ICA1L: variants seen among roughly 807,000 people sequenced by gnomAD.
ICA1L encodes the protein islet cell autoantigen 1 like.
Under a neutral mutation model 61.3 loss-of-function variants are expected in ICA1L, and 50 were observed. That is an observed-to-expected ratio of 0.82 (90% confidence interval 0.65 to 1.03). ICA1L has a LOEUF of 1.03. ICA1L is among the 50% of genes least tolerant of loss of function. The pLI is 0.00. For synonymous variants in ICA1L, 161 were observed against 191.3 expected, an observed-to-expected ratio of 0.84 and a Z score of 1.31; for missense variants, 508 against 556.7, an observed-to-expected ratio of 0.91 and a Z score of 0.88.
intron 12 of ICA1L, 76 bp from the exon 13 acceptor site, chr2:202,779,724 G>T: frequency 2.6e-6 from 2 of 783,144 alleles, no homozygotes; most frequent in South Asian, 1.9e-5. Context: ...TTATGATTTT[G>T]AAGTAGGTGC....
rs547051664 is a variant in ICA1L at position 202,773,783 on chromosome 2, T to C, written c.*5750A>G. On this transcript the variant is annotated 3_prime_UTR_variant, in exon 13 of 13. Coordinates refer to ENST00000358299, the MANE Select transcript of ICA1L (RefSeq NM_001288622.3). ...AAAGGTGGAAGAATACATACACCGGTATGGTAATAGGCAAGAGCAGGCTGT... is the reference window on the plus strand; with the variant it reads ...AAAGGTGGAAGAATACATACACCGGCATGGTAATAGGCAAGAGCAGGCTGT... 1.4e-6 allele frequency: 2 copies of C among 1,386,104 alleles called. No individual in the cohort carries two copies. Among genetic ancestry groups the C allele is most frequent in the African/African-American group, 1.4e-5 (1 of 70,394 alleles). The allele number at this position is 1,386,104 out of a possible 1,614,324, so 85.9% of individuals were successfully genotyped here. A position where few individuals can be genotyped will look rare whatever the true frequency, so the allele number is the denominator to read the frequency against.
intron 3 of ICA1L, among the ~76,000 whole-genome samples, chr2:202,824,123 C>T (rs571307998): frequency 2.6e-5 from 4 of 152,154 alleles, no homozygotes; most frequent in East Asian, 3.9e-4. Flanking sequence ...TCTGTCCTGG[C>T]GAGGTGCAGT....
rs775332540 is a variant in ICA1L, at chr2:202,788,955, C to G, written c.1118G>C (p.Gly373Ala). ...EFTQECQTAF[G>A]SPSASLTSQE... ...GGATGTGAGACTGGCACTGGGGCTC[C>G]CAAAGGCAGTCTGGCATTCTTGGGT... Residue 373 changes from glycine (G) to alanine (A), a missense_variant, in exon 11 of 13, where the codon GGG becomes GCG. By Grantham distance (60) the Gly-to-Ala change is moderately conservative. Transcript: ENST00000358299. The G allele has an allele frequency of 5.6e-6, 9 of 1,613,964 alleles. No homozygotes were observed. In the African/African-American group the frequency reaches 1.1e-4, roughly 19 times the overall value.
At chr2:202,788,762 A>G in intron 11 of ICA1L, 68 bp downstream of exon 11, 1 of 1,527,772 alleles carries the variant, frequency 6.5e-7, no homozygotes, top group Non-Finnish European at 9.0e-7. Context: ...TAGCATCAAT[A>G]AGCACACCAT....
chr2:202,814,541 T>C (rs911946565), intron 8 of ICA1L, among the ~76,000 whole-genome samples, 161 bp downstream of exon 8: 2 of 152,310 alleles, frequency 1.3e-5, no homozygotes, highest in Non-Finnish European at 1.5e-5. Context: ...TATCCTGTTA[T>C]AGCAACACAA....
At chr2:202,851,666 G>A (rs1429501919) in intron 1 of ICA1L, among the ~76,000 whole-genome samples, 1 of 152,130 alleles carries the variant, frequency 6.6e-6, no homozygotes, top group Non-Finnish European at 1.5e-5. Context: ...ATCCTCTCCA[G>A]CACCTGTTGT....
chr2:202,846,913 G>T (rs1392787726), intron 1 of ICA1L, among the ~76,000 whole-genome samples: 5 of 152,158 alleles, frequency 3.3e-5, no homozygotes, highest in Admixed American at 6.5e-5. Flanking sequence ...AAGGGAGCTG[G>T]TCTCCCCCTC....
rs535825548 is a variant in ICA1L at position 202,849,936 on chromosome 2, G to T, written c.-7-20920C>A. Among the ~76,000 whole-genome samples, 2 of 152,294 alleles carry T rather than the reference G, an allele frequency of 1.3e-5. No individual in the cohort carries two copies. The highest frequency in any genetic ancestry group is 4.1e-4 in the South Asian group (2 of 4,824). ...CAGGCTGGTGCCCCTCTGGAACAAA[G>T]CTTTCAGAGGAAGGAACAGGCAGCA... On this transcript the variant is annotated intron_variant, in intron 1 of 12. Coordinates refer to ENST00000358299, the MANE Select transcript of ICA1L (RefSeq NM_001288622.3). This position sits in a 1 kb window ranked among gnomAD's most constrained non-coding sequence, Gnocchi z 4.5.
chr2:202,787,408 C>T (rs977382312), intron 11 of ICA1L, among the ~76,000 whole-genome samples: 1 of 152,170 alleles, frequency 6.6e-6, no homozygotes, highest in Non-Finnish European at 1.5e-5. Flanking sequence ...GTTTGTAAAT[C>T]TTTATAGCTA....
At chr2:202,794,378 C>T (rs1692853278) in intron 10 of ICA1L, among the ~76,000 whole-genome samples, 1 of 150,314 alleles carries the variant, frequency 6.7e-6, no homozygotes, top group African/African-American at 2.4e-5. Context: ...AACAACCATT[C>T]CTAATAAAAA....
chr2:202,834,027 T>TG (rs1344239391), intron 1 of ICA1L, among the ~76,000 whole-genome samples: 1 of 152,158 alleles, frequency 6.6e-6, no homozygotes, highest in Non-Finnish European at 1.5e-5. Context: ...ATTATATTCT[T>TG]GGAGATATCT....
chr2:202,783,184 A>T (rs749916343), intron 12 of ICA1L, among the ~76,000 whole-genome samples: 1 of 152,250 alleles, frequency 6.6e-6, no homozygotes, highest in Non-Finnish European at 1.5e-5. Flanking sequence ...GGCAACAACT[A>T]CAGTAATAAA....
At chr2:202,840,273 C>G in intron 1 of ICA1L, 1 of 444,672 alleles carries the variant, frequency 2.2e-6, no homozygotes, top group Non-Finnish European at 4.4e-6. Flanking sequence ...AGCGGCCTCC[C>G]TCCCAAGCTC....
At chr2:202,862,090 TAA>T (rs1236441099) in intron 1 of ICA1L, among the ~76,000 whole-genome samples, 1 of 147,648 alleles carries the variant, frequency 6.8e-6, no homozygotes, top group African/African-American at 2.5e-5. Context: ...GGCAGAAAAA[TAA>T]AAGTATTGAA....
chr2:202,808,654 C>T (rs1304284466), intron 9 of ICA1L, among the ~76,000 whole-genome samples: 2 of 152,140 alleles, frequency 1.3e-5, no homozygotes, highest in Admixed American at 1.3e-4. Context: ...AGGCTGAGAC[C>T]CAGTATTTTG....
chr2:202,828,981 T>C lies in ICA1L; in HGVS notation c.29A>G (p.Glu10Gly). 1 of 1,601,206 alleles carries C rather than the reference T, an allele frequency of 6.2e-7. No homozygotes were observed. Among genetic ancestry groups the C allele is most frequent in the Non-Finnish European group, 8.5e-7 (1 of 1,174,254 alleles). The change falls in exon 2 of 13, where the codon GAA (glutamate) becomes GGA (glycine). Residue 10 changes from glutamate to glycine, a missense_variant. Transcript: ENST00000358299. ...TCTTCTGACTACTGACTGATTATCT[T>C]CTGGTCTGGGTTGCCCAAAGGAATC... MDSFGQPRP[E>G]DNQSVVRRMQ...
chr2:202,825,673 A>G (rs754714349), intron 3 of ICA1L, 22 bp downstream of exon 3: 1 of 1,393,912 alleles, frequency 7.2e-7, no homozygotes, highest in Non-Finnish European at 1.0e-6. Context: ...GGATTATCAG[A>G]TAGATAACTA....
intron 1 of ICA1L, among the ~76,000 whole-genome samples, chr2:202,839,183 T>C (rs1020970679): frequency 1.5e-4 from 23 of 152,106 alleles, no homozygotes; most frequent in Non-Finnish European, 1.5e-4. Flanking sequence ...TCCTTTCAGT[T>C]AATCTAAATG....
chr2:202,841,829 CAGA>C (rs943086110), intron 1 of ICA1L: 2 of 308,030 alleles, frequency 6.5e-6, no homozygotes, highest in Admixed American at 7.9e-5. Flanking sequence ...ATGGAGATCC[CAGA>C]AGGAGCAGGG....
Sources: allele counts gnomAD v4.1 joint callset (sites outside exome capture counted in the v4.1 genomes callset), GRCh38; gene constraint gnomAD v4.1.1; non-coding constraint Gnocchi (gnomAD v3.1); transcripts MANE v1.5; gene names NCBI Gene and HGNC (gene_info 2026-07-23, HGNC 2026-07-21).